ADD1: variants seen among roughly 807,000 people sequenced by gnomAD.
ADD1 encodes the protein alpha-adducin.
A neutral mutation model predicts 80.5 loss-of-function variants in ADD1; 24 were observed. The ratio of observed to expected loss-of-function variants is 0.30; its 90% CI spans 0.22 to 0.42. The LOEUF is 0.42. ADD1 is among the 10% of genes least tolerant of loss of function. The pLI, the probability that ADD1 is intolerant of heterozygous loss-of-function variation, is 1.00. For synonymous variants in ADD1, 373 were observed against 393.8 expected, an observed-to-expected ratio of 0.95 and a Z score of 0.63; for missense variants, 948 against 1,019.0, an observed-to-expected ratio of 0.93 and a Z score of 0.95.
At chr4:2,857,538 G>A (rs1728262203) in intron 1 of ADD1, among the ~76,000 whole-genome samples, 1 of 152,176 alleles carries the variant, frequency 6.6e-6, no homozygotes, top group Non-Finnish European at 1.5e-5. Context: ...AGCTCAGGAG[G>A]TGGAGGTTGC....
rs182081935 is a variant in ADD1, at chr4:2,871,726, G to C, written c.-20-4170G>C. 1.1e-3 allele frequency among the ~76,000 whole-genome samples: 166 copies of C among 152,166 alleles called. 1 individual carries two copies. Among genetic ancestry groups the C allele is most frequent in the Admixed American group, 3.6e-3 (55 of 15,276 alleles). Reference sequence around the variant, plus strand: ...GTCTTATGTAACTTCATTTCCCCTTGCCCCCATATAAGTTTTAGGCACATT... The same window carrying C: ...GTCTTATGTAACTTCATTTCCCCTTCCCCCCATATAAGTTTTAGGCACATT... On this transcript the variant is annotated intron_variant, in intron 1 of 15. Coordinates refer to ENST00000683351, the MANE Select transcript of ADD1 (RefSeq NM_001354761.2).
intron 13 of ADD1, among the ~76,000 whole-genome samples, chr4:2,914,429 T>G (rs1738629816): frequency 6.6e-6 from 1 of 152,248 alleles, no homozygotes; most frequent in Non-Finnish European, 1.5e-5. Context: ...AGAACTTACC[T>G]GTGCTCTTAG....
At chr4:2,923,407 T>C (rs1577740824) in intron 14 of ADD1, among the ~76,000 whole-genome samples, 1 of 152,184 alleles carries the variant, frequency 6.6e-6, no homozygotes, top group Admixed American at 6.5e-5. Flanking sequence ...CCCCGACTCC[T>C]TGCACTTCCT....
At chr4:2,847,766 A>G (rs1726471457) in intron 1 of ADD1, among the ~76,000 whole-genome samples, 1 of 152,196 alleles carries the variant, frequency 6.6e-6, no homozygotes, top group Non-Finnish European at 1.5e-5. Flanking sequence ...TTCAGTCCAG[A>G]ACGGCGGGGA....
chr4:2,889,922 G>C (rs1734018261), intron 4 of ADD1, among the ~76,000 whole-genome samples: 1 of 152,168 alleles, frequency 6.6e-6, no homozygotes, highest in African/African-American at 2.4e-5. Context: ...TCTGGAGCTG[G>C]GTGCAGTGGC....
chr4:2,860,266 T>TTTATCTAGATA (rs2108821593), intron 1 of ADD1, among the ~76,000 whole-genome samples: 1 of 152,358 alleles, frequency 6.6e-6, no homozygotes, highest in East Asian at 1.9e-4. Flanking sequence ...ACATACTAGC[T>TTTATCTAGATA]ACGTTTGCTT....
chr4:2,874,718 C>T (rs142130563), intron 1 of ADD1, among the ~76,000 whole-genome samples: 64 of 151,654 alleles, frequency 4.2e-4, no homozygotes, highest in African/African-American at 1.3e-3. Flanking sequence ...ACACTAATTT[C>T]TTCAACTGAT....
In ADD1 at chr4:2,899,373, C is replaced by A; in HGVS notation, c.1099C>A (p.Pro367Thr). The change falls in exon 9 of 16, where the codon CCT becomes ACT. Residue 367 changes from proline (P) to threonine (T), a missense_variant. Transcript: ENST00000683351. Reference protein sequence around the residue: ...GSPVGEGTGSPPKWQIGEQEF... With the variant: ...GSPVGEGTGSTPKWQIGEQEF... ...TCCGGTAGGGGAAGGCACTGGATCG[C>A]CTCCCAAGTGGCAGATTGGTGAGCA... 6.2e-7 allele frequency: 1 copy of A among 1,614,232 alleles called. No homozygotes were observed.
chr4:2,889,398 T>C (rs1733934406), intron 4 of ADD1, among the ~76,000 whole-genome samples: 1 of 152,200 alleles, frequency 6.6e-6, no homozygotes, highest in South Asian at 2.1e-4. Context: ...AGGACTAATA[T>C]AGGTGAAAAT....
rs530942270 is a variant in ADD1, at chr4:2,929,986, C to T, written c.*1463C>T. 5.2e-5 allele frequency: 8 copies of T among 152,550 alleles called. No individual in the cohort carries two copies. Among genetic ancestry groups the T allele is most frequent in the African/African-American group, 1.7e-4 (7 of 41,438 alleles). The allele number at this position is 152,550 out of a possible 1,614,324, so 9.4% of individuals were successfully genotyped here. On this transcript the variant is annotated 3_prime_UTR_variant, in exon 16 of 16. Coordinates refer to ENST00000683351, the MANE Select transcript of ADD1 (RefSeq NM_001354761.2). ...GAAATATAGTTGCATATATGGACAC[C>T]GACTTGGGAGGACAGGTCCTGAATG...
At chr4:2,879,123 A>G (rs1283644559) in intron 2 of ADD1, among the ~76,000 whole-genome samples, 2 of 152,144 alleles carry the variant, frequency 1.3e-5, no homozygotes, top group East Asian at 1.9e-4. Context: ...AACTGAGGGT[A>G]TGGATGTTGA....
At chr4:2,899,191 A>G (rs1263268914) in intron 8 of ADD1, 68 bp from the exon 9 acceptor site, 1 of 1,479,658 alleles carries the variant, frequency 6.8e-7, no homozygotes, top group African/African-American at 1.4e-5. Flanking sequence ...CTACATTTTT[A>G]TTCAAGTCAT....
chr4:2,847,095 C>T (rs1175377076), intron 1 of ADD1, among the ~76,000 whole-genome samples: 4 of 150,710 alleles, frequency 2.7e-5, no homozygotes, highest in South Asian at 2.1e-4. Flanking sequence ...GTAGCCTGGG[C>T]GACACGGAGC....
intron 9 of ADD1, among the ~76,000 whole-genome samples, chr4:2,904,372 T>C (rs1186265293): frequency 6.6e-6 from 1 of 152,210 alleles, no homozygotes; most frequent in African/African-American, 2.4e-5. Flanking sequence ...GCACTTTTAA[T>C]GAATGGTATT....
intron 4 of ADD1, among the ~76,000 whole-genome samples, chr4:2,885,824 A>T (rs1489294503): frequency 6.6e-6 from 1 of 151,920 alleles, no homozygotes; most frequent in Non-Finnish European, 1.5e-5. Flanking sequence ...GTTAGCCAGG[A>T]TGGTCTCGAT....
chr4:2,846,152 A>AT (rs556534212), intron 1 of ADD1, among the ~76,000 whole-genome samples: 1 of 152,078 alleles, frequency 6.6e-6, no homozygotes, highest in Admixed American at 6.5e-5. Flanking sequence ...CAGAATTCTC[A>AT]TTTTTTTTCT....
intron 2 of ADD1, among the ~76,000 whole-genome samples, chr4:2,877,432 A>G (rs763736926): frequency 6.6e-6 from 1 of 152,148 alleles, no homozygotes; most frequent in Non-Finnish European, 1.5e-5. Flanking sequence ...ACTTACATAA[A>G]GTACACAAAT....
chr4:2,895,879 G>A (rs971675925), intron 6 of ADD1, among the ~76,000 whole-genome samples: 3 of 151,958 alleles, frequency 2.0e-5, no homozygotes, highest in East Asian at 3.9e-4. Context: ...TATTGATTCA[G>A]TAATGCTGTA....
In ADD1 at chr4:2,875,970, C is replaced by T; in HGVS notation, c.55C>T (p.Pro19Ser). The change falls in exon 2 of 16, where the codon CCT (proline) becomes TCT (serine). Residue 19 changes from proline (P) to serine (S), a missense_variant. By Grantham distance (74) the Pro-to-Ser change is moderately conservative. Transcript: ENST00000683351. ...GACCTCACCACCCCCGACCACAGCC[C>T]CTCACAAGGAGAGGTACTTCGACCG... ...VVTSPPPTTA[P>S]HKERYFDRVD... is the part of the protein sequence containing the mutation. 6.2e-7 allele frequency: 1 copy of T among 1,613,826 alleles called. No individual in the cohort carries two copies. The highest frequency in any genetic ancestry group is 8.5e-7 in the Non-Finnish European group (1 of 1,179,864).
Sources: gnomAD v4.1 joint callset for allele counts (sites outside exome capture counted in the v4.1 genomes callset) on GRCh38, gnomAD v4.1.1 for gene constraint, MANE v1.5 for transcripts, NCBI Gene and HGNC (gene_info 2026-07-23, HGNC 2026-07-21) for gene names.